The following CASKIN1 variants were observed in gnomAD, a reference collection of about 807,000 sequenced individuals.
CASKIN1 encodes the protein caskin-1.
In CASKIN1, 42 loss-of-function variants were observed where a neutral mutation model predicts 117.5. The ratio of observed to expected loss-of-function variants is 0.36; its 90% CI spans 0.28 to 0.46. The LOEUF (loss-of-function observed/expected upper bound fraction) is 0.46, where lower values mean the gene tolerates loss of function less well. Ranked by LOEUF, CASKIN1 falls within the 20% of genes least tolerant of loss-of-function variation. The pLI, the probability that CASKIN1 is intolerant of heterozygous loss-of-function variation, is 1.00. For missense variants in CASKIN1, 2,083 were observed against 2,077.3 expected (o/e 1.00, Z -0.05); for synonymous variants, 1,148 against 961.7 (o/e 1.19, Z -3.59).
At chr16:2,190,029 T>TG in intron 3 of CASKIN1, 44 bp downstream of exon 3, 4 of 1,253,968 alleles carry the variant, frequency 3.2e-6, no homozygotes, top group Non-Finnish European at 4.6e-6. Context: ...CCCCCCTCGC[T>TG]GCCCCCGCCC....
In CASKIN1 at chr16:2,177,906, G is replaced by A. The variant is rs1437225832; in HGVS notation, c.*644C>T. 3.0e-6 allele frequency: 1 copy of A among 330,434 alleles called. No individual in the cohort carries two copies. Among genetic ancestry groups the A allele is most frequent in the Non-Finnish European group, 5.7e-6 (1 of 175,554 alleles). 20.5% of individuals were successfully genotyped at this position (330,434 alleles called of 1,614,324 possible). ...CCTTCCACCTGTGCTAGCAGCCTGG[G>A]GCCTCCACTCTGGCCGGAGGAAGGA... On this transcript the variant is annotated 3_prime_UTR_variant, in exon 20 of 20. Transcript: ENST00000343516.
intron 6 of CASKIN1, among the ~76,000 whole-genome samples, 160 bp from the exon 7 acceptor site, chr16:2,187,621 C>A (rs931918369): frequency 3.3e-5 from 5 of 152,124 alleles, no homozygotes; most frequent in Admixed American, 1.3e-4. Flanking sequence ...GAGTGCTGAG[C>A]GCTTTTTTTT....
chr16:2,188,698 C>T (rs1421106237), intron 6 of CASKIN1, among the ~76,000 whole-genome samples: 1 of 152,176 alleles, frequency 6.6e-6, no homozygotes, highest in Non-Finnish European at 1.5e-5. Flanking sequence ...TAAGACTTCC[C>T]AGCTGTTATC....
At chr16:2,184,702 G>T in intron 14 of CASKIN1, 75 bp downstream of exon 14, 1 of 1,303,424 alleles carries the variant, frequency 7.7e-7, no homozygotes, top group East Asian at 2.7e-5. Context: ...GGCAGGCCGT[G>T]TAAGCACCCA....
chr16:2,179,091 T>C lies in CASKIN1; in HGVS notation c.4010A>G (p.His1337Arg), dbSNP rs2093156862. ...GGCTCGCGGGGGCTTGGCGGGCACGTGCAGCGCGGGCGCGCCGGGGGACGG... is the reference window on the plus strand; with the variant it reads ...GGCTCGCGGGGGCTTGGCGGGCACGCGCAGCGCGGGCGCGCCGGGGGACGG... ...KPPSPGAPAL[H>R]VPAKPPRAAA... The change falls in exon 19 of 20, where the codon CAC (histidine) becomes CGC (arginine). Residue 1337 changes from histidine to arginine, a missense_variant. Coordinates refer to ENST00000343516, the MANE Select transcript of CASKIN1 (RefSeq NM_020764.4). The surrounding 1 kb of genome is among the most constrained non-coding windows in gnomAD (Gnocchi z 5.8). The C allele has an allele frequency of 2.0e-6, 2 of 981,036 alleles. No homozygotes were observed. Among genetic ancestry groups the C allele is most frequent in the Non-Finnish European group, 2.4e-6 (2 of 830,896 alleles). The allele number at this position is 981,036 out of a possible 1,614,324, so 60.8% of individuals were successfully genotyped here.
At position 2,178,016 on chromosome 16, in the gene CASKIN1, G is replaced by C. The variant is rs768539963; in HGVS notation, c.*534C>G. The C allele has an allele frequency of 3.7e-4, 157 of 422,300 alleles. No individual in the cohort carries two copies. Among genetic ancestry groups the C allele is most frequent in the Non-Finnish European group, 6.4e-4 (143 of 224,452 alleles). The allele number at this position is 422,300 out of a possible 1,614,324, so 26.2% of individuals were successfully genotyped here. ...TTCAGTTGGTAAATGGTTTTCTATA[G>C]AATCAATAATATTTCTTTCTTTAAA... On this transcript the variant is annotated 3_prime_UTR_variant, in exon 20 of 20. Coordinates refer to ENST00000343516, the MANE Select transcript of CASKIN1 (RefSeq NM_020764.4).
intron 15 of CASKIN1, 27 bp downstream of exon 15, chr16:2,183,804 G>A: frequency 6.2e-7 from 1 of 1,611,466 alleles, no homozygotes; most frequent in East Asian, 2.2e-5. Context: ...GGACGCAGCT[G>A]GCGCTGGCGG....
In CASKIN1 at chr16:2,180,106, C is replaced by A; in HGVS notation, c.3262G>T (p.Gly1088Cys). The A allele has an allele frequency of 6.4e-7, 1 of 1,556,136 alleles. No individual in the cohort carries two copies. The highest frequency in any genetic ancestry group is 8.7e-7 in the Non-Finnish European group (1 of 1,151,724). Residue 1088 changes from glycine to cysteine, a missense_variant, in exon 18 of 20, where the codon GGC becomes TGC. Gly to Cys is a radical substitution (Grantham distance 159). Around this residue, in one of 3 missense-constraint regions of CASKIN1, gnomAD observed 1,818 missense variants for 1,688.9 expected, o/e 1.08. Transcript: ENST00000343516. ...CCAGTGCCATCCTCCACAAAGGGGC[C>A]TGGGTCTGCCGACTCCCCAGGCCCC... ...RRGPGESADP[G>C]PFVEDGTGRQ...
chr16:2,181,693 C>A, intron 17 of CASKIN1, 94 bp from the exon 18 acceptor site: 3 of 306,520 alleles, frequency 9.8e-6, no homozygotes, highest in Non-Finnish European at 1.5e-5. Context: ...TGGGGCCCAG[C>A]TTGGGGCTGG....
At chr16:2,184,527 T>TCA (rs201752623) in intron 14 of CASKIN1, among the ~76,000 whole-genome samples, 4 of 151,694 alleles carry the variant, frequency 2.6e-5, no homozygotes, top group Admixed American at 6.6e-5. Flanking sequence ...AGTCCCACCA[T>TCA]CACACACACA....
chr16:2,183,529 C>A lies in CASKIN1; in HGVS notation c.1629+117G>T, dbSNP rs1423467118. The A allele has an allele frequency of 3.1e-6, 3 of 976,248 alleles. No homozygotes were observed. In the African/African-American group the frequency reaches 4.9e-5, roughly 16 times the overall value. The allele number at this position is 976,248 out of a possible 1,614,324, so 60.5% of individuals were successfully genotyped here. On this transcript the variant is annotated intron_variant, in intron 16 of 19. Coordinates refer to ENST00000343516, the MANE Select transcript of CASKIN1 (RefSeq NM_020764.4). ...CCCTGCTAGCAGGGCATCCTCCACT[C>A]TCCTCTCCCTCAAGCCCCTGAGGGC...
In CASKIN1 at chr16:2,189,306, T is replaced by C. The variant is rs2093194049; in HGVS notation, c.418A>G (p.Asn140Asp). The C allele has an allele frequency of 1.2e-6, 2 of 1,613,206 alleles. No homozygotes were observed. The highest frequency in any genetic ancestry group is 1.7e-6 in the Non-Finnish European group (2 of 1,179,904). Residue 140 changes from asparagine (N) to aspartate (D), a missense_variant, in exon 5 of 20, where the codon AAC becomes GAC. By Grantham distance (23) the Asn-to-Asp change is conservative. Around this residue, in one of 3 missense-constraint regions of CASKIN1, gnomAD observed 203 missense variants for 338.7 expected, o/e 0.60. Transcript: ENST00000343516. ...VSEMLLQHQS[N>D]PCMVDNSGKT... ...CCCGAGTTGTCCACCATGCACGGGT[T>C]AGACTGGTGCTGTAGCAGCATCTCA...
chr16:2,183,524 C>T lies in CASKIN1; in HGVS notation c.1629+122G>A. 4.3e-6 allele frequency: 4 copies of T among 922,528 alleles called. No homozygotes were observed. In the South Asian group the frequency reaches 4.8e-5, roughly 11 times the overall value. The allele number at this position is 922,528 out of a possible 1,614,324, so 57.1% of individuals were successfully genotyped here. The stretch of plus-strand genomic sequence containing the variant: ...AGGCTCCCTGCTAGCAGGGCATCCT[C>T]CACTCTCCTCTCCCTCAAGCCCCTG... On this transcript the variant is annotated intron_variant, in intron 16 of 19. Transcript: ENST00000343516.
rs749383593 is a variant in CASKIN1 at position 2,179,734 on chromosome 16, G to C, written c.3634C>G (p.Pro1212Ala). 7.7e-6 allele frequency: 12 copies of C among 1,553,060 alleles called. 1 individual carries two copies. In the South Asian group the frequency reaches 1.4e-4, roughly 18 times the overall value. Residue 1212 changes from proline (P) to alanine (A), a missense_variant, in exon 18 of 20, where the codon CCC (proline) becomes GCC (alanine). Coordinates refer to ENST00000343516, the MANE Select transcript of CASKIN1 (RefSeq NM_020764.4). The surrounding 1 kb of genome is among the most constrained non-coding windows in gnomAD (Gnocchi z 5.8). ...TTCCGGGCTTCGCCCTCGGGCGGGGGCAATGGGGGTAGGTGCGCCAGGTCG... is the reference window on the plus strand; with the variant it reads ...TTCCGGGCTTCGCCCTCGGGCGGGGCCAATGGGGGTAGGTGCGCCAGGTCG... ...PTDLAHLPPL[P>A]PPEGEARKPA...
In CASKIN1 at chr16:2,181,162, C is replaced by T. The variant is rs748418689; in HGVS notation, c.2206G>A (p.Gly736Ser). 2.0e-5 allele frequency: 30 copies of T among 1,499,962 alleles called. No homozygotes were observed. Among genetic ancestry groups the T allele is most frequent in the Admixed American group, 4.7e-5 (2 of 42,818 alleles). The allele number at this position is 1,499,962 out of a possible 1,614,324, so 92.9% of individuals were successfully genotyped here. Residue 736 changes from glycine to serine, a missense_variant, in exon 18 of 20, where the codon GGC (glycine) becomes AGC (serine). Transcript: ENST00000343516. ...EYLLDEGPAP[G>S]TPPREARPGR... ...GGCCGGGCCTCCCTGGGCGGGGTGC[C>T]GGGGGCGGGGCCCTCATCCAGGAGG...
In CASKIN1 at chr16:2,179,273, C is replaced by G. The variant is rs1043313773; in HGVS notation, c.3828G>C (p.Pro1276=). ...TGACGGGCTTGGGCGCTGTGGGCGG[C>G]GGCGGCGGCTTGGGAGACACGGGCG... is the stretch of plus-strand genomic sequence containing the variant. The part of the protein sequence containing the change: ...TPPPVSPKPP[P]PPTAPKPVKA... Residue 1276 remains proline (P), a synonymous_variant, in exon 19 of 20, where the codon CCG becomes CCC. Coordinates refer to ENST00000343516, the MANE Select transcript of CASKIN1 (RefSeq NM_020764.4). This position sits in a 1 kb window ranked among gnomAD's most constrained non-coding sequence, Gnocchi z 5.8. 23 of 1,217,896 alleles carry G rather than the reference C, an allele frequency of 1.9e-5. No individual in the cohort carries two copies. The highest frequency in any genetic ancestry group is 2.3e-5 in the Non-Finnish European group (23 of 979,700). 75.4% of individuals were successfully genotyped at this position (1,217,896 alleles called of 1,614,324 possible).
In CASKIN1 at chr16:2,189,538, A is replaced by G; in HGVS notation, c.271T>C (p.Trp91Arg). ...TTCATGGGCTCCTTCCGGCCCTGCC[A>G]GGCCGCATAGTGCAGCGGCCGCATG... ...KGMRPLHYAA[W>R]QGRKEPMKLV... The change falls in exon 4 of 20, where the codon TGG (tryptophan) becomes CGG (arginine). Residue 91 changes from tryptophan (W) to arginine (R), a missense_variant. Trp to Arg is a moderately radical substitution (Grantham distance 101, BLOSUM62 -3). Coordinates refer to ENST00000343516, the MANE Select transcript of CASKIN1 (RefSeq NM_020764.4). 1 of 1,610,718 alleles carries G rather than the reference A, an allele frequency of 6.2e-7. No homozygotes were observed. The highest frequency in any genetic ancestry group is 8.5e-7 in the Non-Finnish European group (1 of 1,179,426).
In CASKIN1 at chr16:2,183,884, TGGG is replaced by T. The variant is rs1268830080; in HGVS notation, c.1471_1473del (p.Pro491del). On this transcript the variant is annotated inframe_deletion, in exon 15 of 20. Transcript: ENST00000343516. ...AGGTCGTAGCCGGCGCTGATGAAGT[TGGG>T]GGCGTAGAGCTGCAGCTGGAACGCG... 1 of 1,612,120 alleles carries T rather than the reference TGGG, an allele frequency of 6.2e-7. No individual in the cohort carries two copies. The highest frequency in any genetic ancestry group is 8.5e-7 in the Non-Finnish European group (1 of 1,179,728).
Position 2,184,865 on chromosome 16 carries a change from A to G in CASKIN1, c.1328T>C (p.Val443Ala), listed in dbSNP as rs368896909. The G allele has an allele frequency of 2.4e-5, 37 of 1,570,698 alleles. 1 individual carries two copies. The African/African-American group carries it at 4.8e-4, about 20-fold the overall frequency. ...GGCCACTGGAGGCTGGGACCGGGCC[A>G]CACCTGAGGACGAGAGTGGGTGGGG... ...PAKPPEGSAGVARSQPPVAHA... is the reference protein window; with the variant it reads ...PAKPPEGSAGAARSQPPVAHA... Residue 443 changes from valine (V) to alanine (A), a missense_variant, in exon 14 of 20, where the codon GTG becomes GCG. Transcript: ENST00000343516.
Sources: allele counts gnomAD v4.1 joint callset (sites outside exome capture counted in the v4.1 genomes callset), GRCh38; gene constraint gnomAD v4.1.1; regional missense constraint gnomAD v4.1.1; non-coding constraint Gnocchi (gnomAD v3.1); transcripts MANE v1.5; gene names NCBI Gene and HGNC (gene_info 2026-07-23, HGNC 2026-07-21).